Variants in MVB12B observed in about 807,000 individuals in gnomAD.
MVB12B encodes ESCRT-I complex subunit MVB12B.
A neutral mutation model predicts 41.6 loss-of-function variants in MVB12B; 16 were observed. The observed-to-expected ratio is 0.38, with a 90% CI of 0.26 to 0.58. The LOEUF is 0.58. Ranked by LOEUF, MVB12B falls within the 20% of genes least tolerant of loss-of-function variation. The pLI is 0.62. For synonymous variants in MVB12B, 133 were observed against 139.7 expected (o/e 0.95, Z 0.34); for missense variants, 274 against 380.2 (o/e 0.72, Z 2.32).
chr9:126,379,595 C>A (rs941963992), intron 2 of MVB12B, among the ~76,000 whole-genome samples: 1 of 152,208 alleles, frequency 6.6e-6, no homozygotes, highest in Non-Finnish European at 1.5e-5. Flanking sequence ...GCTTTCAGGT[C>A]AAATATATTT....
chr9:126,450,232 G>C (rs1226658388), intron 7 of MVB12B, among the ~76,000 whole-genome samples: 1 of 152,222 alleles, frequency 6.6e-6, no homozygotes, highest in Non-Finnish European at 1.5e-5. Flanking sequence ...AGGAAGGTCT[G>C]GCTCCCAGGT....
At chr9:126,481,552 C>T (rs1242857195) in intron 8 of MVB12B, 128 bp downstream of exon 8, 2 of 738,688 alleles carry the variant, frequency 2.7e-6, no homozygotes, top group Non-Finnish European at 4.8e-6. Flanking sequence ...GGAATCTTGT[C>T]CGCCTGCGTG....
At chr9:126,428,590 A>C (rs760590657) in intron 7 of MVB12B, among the ~76,000 whole-genome samples, 1 of 152,194 alleles carries the variant, frequency 6.6e-6, no homozygotes, top group Non-Finnish European at 1.5e-5. Context: ...ATGAAGGGTA[A>C]AAGACTCAAA....
At chr9:126,479,103 G>A (rs981156162) in intron 7 of MVB12B, among the ~76,000 whole-genome samples, 3 of 139,178 alleles carry the variant, frequency 2.2e-5, no homozygotes, top group African/African-American at 7.4e-5. Context: ...AGAGTGGGAA[G>A]TGAGGACCAT....
At chr9:126,335,210 T>G in intron 1 of MVB12B, 1 of 1,160,870 alleles carries the variant, frequency 8.6e-7, no homozygotes, top group Non-Finnish European at 1.1e-6. Context: ...TCCAGCAGCA[T>G]TTGTCAGAGT....
chr9:126,363,186 C>CA lies in MVB12B; in HGVS notation c.205-17867dup, dbSNP rs367592210. On this transcript the variant is annotated intron_variant, in intron 2 of 9. Transcript: ENST00000361171. ...TGGGTGACAGAGTGAGACTCCGTCT[C>CA]AAAAAAAAAAAGAAAATTAAAGTTT... Among the ~76,000 whole-genome samples the CA allele has an allele frequency of 6.7e-3, 932 of 138,750 alleles. 18 individuals carry two copies. Among genetic ancestry groups the CA allele is most frequent in the Admixed American group, 0.035 (490 of 13,884 alleles). The allele number at this position is 138,750 out of a possible 152,430, so 91.0% of individuals were successfully genotyped here.
intron 2 of MVB12B, among the ~76,000 whole-genome samples, chr9:126,348,031 C>A (rs1244701012): frequency 6.6e-6 from 1 of 152,186 alleles, no homozygotes; most frequent in Non-Finnish European, 1.5e-5. Context: ...TTCTTGCTGT[C>A]CCAGCTTCCT....
At chr9:126,328,480 G>A (rs1829043327) in intron 1 of MVB12B, among the ~76,000 whole-genome samples, 1 of 152,150 alleles carries the variant, frequency 6.6e-6, no homozygotes, top group Non-Finnish European at 1.5e-5. Flanking sequence ...TATGTGCAGG[G>A]AGTTTAGAAT....
At chr9:126,328,845 C>T (rs1829054012) in intron 1 of MVB12B, among the ~76,000 whole-genome samples, 2 of 151,942 alleles carry the variant, frequency 1.3e-5, no homozygotes, top group Non-Finnish European at 2.9e-5. Flanking sequence ...TGCAGTGGTA[C>T]CATCATGGCT....
Position 126,475,044 on chromosome 9 carries a change from G to A in MVB12B, c.758-6325G>A, listed in dbSNP as rs375433356. Among the ~76,000 whole-genome samples, 38 of 152,218 alleles carry A rather than the reference G, an allele frequency of 2.5e-4. No individual in the cohort carries two copies. In the East Asian group the frequency reaches 6.6e-3, roughly 26 times the overall value. On this transcript the variant is annotated intron_variant, in intron 7 of 9. Coordinates refer to ENST00000361171, the MANE Select transcript of MVB12B (RefSeq NM_033446.3). ...GTCATTGACTTACTCACCTACAGCC[G>A]CCTTCTTTCCTGTCTCCTGCTGTTA...
At chr9:126,341,146 C>T (rs537000797) in intron 2 of MVB12B, among the ~76,000 whole-genome samples, 173 of 152,284 alleles carry the variant, frequency 1.1e-3, no homozygotes, top group African/African-American at 3.6e-3. Flanking sequence ...GTAACAGAGT[C>T]CCAGTCCTTG....
intron 7 of MVB12B, among the ~76,000 whole-genome samples, chr9:126,422,859 A>G (rs1341057381): frequency 3.9e-5 from 6 of 152,172 alleles, no homozygotes; most frequent in Admixed American, 3.9e-4. Context: ...ATCACTCCCT[A>G]ATAGGTTTGG....
At chr9:126,476,310 C>T (rs1329171186) in intron 7 of MVB12B, among the ~76,000 whole-genome samples, 1 of 152,222 alleles carries the variant, frequency 6.6e-6, no homozygotes, top group African/African-American at 2.4e-5. Context: ...CCATGGGCCC[C>T]ACCAACTCCC....
Position 126,481,443 on chromosome 9 carries a change from C to A in MVB12B, c.813+19C>A. On this transcript the variant is annotated intron_variant, in intron 8 of 9. Coordinates refer to ENST00000361171, the MANE Select transcript of MVB12B (RefSeq NM_033446.3). ...AGAAAGTGTAAGTTTTATGCATGAT[C>A]GCCCTTCCCCTCTGCCACCCCCCAG... 6.3e-7 allele frequency: 1 copy of A among 1,599,188 alleles called. No individual in the cohort carries two copies. The highest frequency in any genetic ancestry group is 8.6e-7 in the Non-Finnish European group (1 of 1,166,528).
chr9:126,350,196 T>C (rs1362081400), intron 2 of MVB12B, among the ~76,000 whole-genome samples: 3 of 152,356 alleles, frequency 2.0e-5, no homozygotes, highest in East Asian at 3.8e-4. Flanking sequence ...TTTGTTTTTT[T>C]TACTGTTGAG....
intron 1 of MVB12B, among the ~76,000 whole-genome samples, chr9:126,336,754 G>GCACACACA (rs113110128): frequency 0.14 from 21,437 of 150,194 alleles, 1,825 homozygotes; most frequent in Admixed American, 0.23. Context: ...GTGTGTGCAC[G>GCACACACA]CACACACACA....
chr9:126,456,187 C>T (rs989276592), intron 7 of MVB12B, among the ~76,000 whole-genome samples: 2 of 152,098 alleles, frequency 1.3e-5, no homozygotes, highest in East Asian at 1.9e-4. Flanking sequence ...CACCACGCCC[C>T]GCCTGATAGG....
chr9:126,341,630 C>T (rs1424203590), intron 2 of MVB12B, among the ~76,000 whole-genome samples: 1 of 152,182 alleles, frequency 6.6e-6, no homozygotes, highest in Non-Finnish European at 1.5e-5. Context: ...TTCCCAACTT[C>T]AGCACTGTTG....
chr9:126,398,565 CTT>C (rs1470092947), intron 6 of MVB12B, among the ~76,000 whole-genome samples: 2 of 152,242 alleles, frequency 1.3e-5, no homozygotes, highest in Non-Finnish European at 2.9e-5. Flanking sequence ...TCTTGCTACT[CTT>C]TTCTCAGGTA....
Sources: gnomAD v4.1 joint callset for allele counts (sites outside exome capture counted in the v4.1 genomes callset) on GRCh38, gnomAD v4.1.1 for gene constraint, MANE v1.5 for transcripts, NCBI Gene and HGNC (gene_info 2026-07-23, HGNC 2026-07-21) for gene names.